Variants in CLSTN2 observed in about 807,000 individuals in gnomAD.
CLSTN2 encodes the protein calsyntenin-2.
CLSTN2 carries 48 observed loss-of-function variants against 101.2 expected under a neutral mutation model. The ratio of observed to expected loss-of-function variants is 0.47; its 90% CI spans 0.38 to 0.60. CLSTN2 has a LOEUF of 0.60. CLSTN2 is among the 20% of genes least tolerant of loss of function. The probability of loss-of-function intolerance (pLI) is 0.00; values close to 1 mark genes in which losing one functional copy is unlikely to be tolerated. For synonymous variants in CLSTN2, 481 were observed against 463.6 expected (o/e 1.04, Z -0.48); for missense variants, 1,160 against 1,238.2 (o/e 0.94, Z 0.95).
At chr3:140,328,520 G>A (rs1244789634) in intron 2 of CLSTN2, among the ~76,000 whole-genome samples, 1 of 152,180 alleles carries the variant, frequency 6.6e-6, no homozygotes, top group Non-Finnish European at 1.5e-5. Context: ...GAAGCCCTAG[G>A]GGAGCTCAAT....
intron 6 of CLSTN2, among the ~76,000 whole-genome samples, chr3:140,455,106 G>T (rs777948347): frequency 3.9e-5 from 6 of 152,234 alleles, no homozygotes; most frequent in Non-Finnish European, 8.8e-5. Context: ...TCATGGCAGT[G>T]CCTGTCATAA....
At chr3:140,386,796 C>T (rs2088056684) in intron 2 of CLSTN2, among the ~76,000 whole-genome samples, 2 of 152,176 alleles carry the variant, frequency 1.3e-5, no homozygotes. Flanking sequence ...GGCCTGTGCA[C>T]AGTGTCAGCA....
intron 1 of CLSTN2, among the ~76,000 whole-genome samples, chr3:140,064,047 C>T (rs2008257299): frequency 6.6e-6 from 1 of 152,156 alleles, no homozygotes; most frequent in Non-Finnish European, 1.5e-5. Context: ...TAACCATTGG[C>T]TACCTTATAC....
At chr3:140,491,681 A>T (rs1934355499) in intron 8 of CLSTN2, among the ~76,000 whole-genome samples, 1 of 152,176 alleles carries the variant, frequency 6.6e-6, no homozygotes, top group Middle Eastern at 3.4e-3. Context: ...AATTAGCCAG[A>T]CATGGTGCTA....
chr3:140,211,644 T>C (rs1305109769), intron 2 of CLSTN2, among the ~76,000 whole-genome samples: 1 of 151,594 alleles, frequency 6.6e-6, no homozygotes, highest in Non-Finnish European at 1.5e-5. Context: ...TAGGTAGTTG[T>C]AATGCTTTTA....
intron 1 of CLSTN2, among the ~76,000 whole-genome samples, chr3:140,071,862 A>G (rs1336452231): frequency 2.6e-5 from 4 of 152,020 alleles, no homozygotes; most frequent in East Asian, 1.9e-4. Context: ...TAAATAAATA[A>G]AAAAGAAAAA....
intron 2 of CLSTN2, among the ~76,000 whole-genome samples, chr3:140,376,809 G>T (rs1405835435): frequency 1.3e-5 from 2 of 152,200 alleles, no homozygotes; most frequent in South Asian, 2.1e-4. Flanking sequence ...AATAAGGAAA[G>T]GTCCACAGGC....
At chr3:140,092,594 C>T (rs759260618) in intron 1 of CLSTN2, among the ~76,000 whole-genome samples, 6 of 152,134 alleles carry the variant, frequency 3.9e-5, no homozygotes, top group Non-Finnish European at 5.9e-5. Flanking sequence ...CGGGGTGTGC[C>T]GGGCTGGTGC....
intron 2 of CLSTN2, among the ~76,000 whole-genome samples, chr3:140,228,369 C>A (rs1447368149): frequency 6.6e-6 from 1 of 152,208 alleles, no homozygotes; most frequent in Non-Finnish European, 1.5e-5. Context: ...CTCCTCATCT[C>A]CATCTGAGAC....
Position 140,562,253 on chromosome 3 carries a change from G to A in CLSTN2, c.2157G>A (p.Glu719=), listed in dbSNP as rs776564480. 4 of 1,614,026 alleles carry A rather than the reference G, an allele frequency of 2.5e-6. No homozygotes were observed. The highest frequency in any genetic ancestry group is 3.4e-6 in the Non-Finnish European group (4 of 1,179,958). ...RQECLELNHS[E]LHQRHLDATN... ...AGTGCTTGGAGCTCAACCACAGTGA[G>A]CTCCACCAACGACACCTGGATGCCA... The change falls in exon 13 of 17, where the codon GAG becomes GAA. Residue 719 remains glutamate, a synonymous_variant. Coordinates refer to ENST00000458420, the MANE Select transcript of CLSTN2 (RefSeq NM_022131.3).
intron 1 of CLSTN2, among the ~76,000 whole-genome samples, chr3:140,077,838 C>T (rs561740491): frequency 2.6e-5 from 4 of 151,802 alleles, no homozygotes; most frequent in East Asian, 3.9e-4. Context: ...TTGGAATGGC[C>T]GGTTTGCTCC....
intron 1 of CLSTN2, among the ~76,000 whole-genome samples, chr3:140,002,873 A>G (rs2006872605): frequency 6.6e-6 from 1 of 152,112 alleles, no homozygotes; most frequent in African/African-American, 2.4e-5. Context: ...AGTTCATTGT[A>G]GGTGTGTGGA....
chr3:140,343,902 G>A (rs922019842), intron 2 of CLSTN2, among the ~76,000 whole-genome samples: 3 of 152,162 alleles, frequency 2.0e-5, no homozygotes, highest in African/African-American at 7.2e-5. Context: ...TAATTCAACC[G>A]TCTTTACCGA....
chr3:140,444,847 AT>A (rs1178448187), intron 5 of CLSTN2, among the ~76,000 whole-genome samples: 3 of 152,168 alleles, frequency 2.0e-5, no homozygotes, highest in African/African-American at 7.2e-5. Context: ...AAACATCTAT[AT>A]TTTTAAGAAC....
intron 1 of CLSTN2, among the ~76,000 whole-genome samples, chr3:140,107,931 T>C (rs1467052361): frequency 1.3e-5 from 2 of 152,180 alleles, no homozygotes; most frequent in Non-Finnish European, 2.9e-5. Context: ...GAGAGACTTC[T>C]CTGAGGCAGC....
At chr3:140,407,787 A>G (rs988608362) in intron 4 of CLSTN2, among the ~76,000 whole-genome samples, 3 of 152,208 alleles carry the variant, frequency 2.0e-5, no homozygotes, top group Non-Finnish European at 4.4e-5. Flanking sequence ...ATTGAATCCT[A>G]AAACATAAAG....
At chr3:140,003,151 G>T (rs925670741) in intron 1 of CLSTN2, among the ~76,000 whole-genome samples, 47 of 152,160 alleles carry the variant, frequency 3.1e-4, no homozygotes, top group African/African-American at 1.1e-3. Context: ...CATTGCTTTG[G>T]GTAGTATAGC....
chr3:140,322,511 C>T (rs1031687969), intron 2 of CLSTN2, among the ~76,000 whole-genome samples: 1 of 152,186 alleles, frequency 6.6e-6, no homozygotes, highest in African/African-American at 2.4e-5. Context: ...GGAGGAACCT[C>T]AAATCATCCC....
chr3:140,102,804 T>A (rs1339738419), intron 1 of CLSTN2, among the ~76,000 whole-genome samples: 1 of 152,174 alleles, frequency 6.6e-6, no homozygotes, highest in Non-Finnish European at 1.5e-5. Flanking sequence ...TGACCAGTAG[T>A]TGAAAGAGCA....
Sources: gnomAD v4.1 joint callset for allele counts (sites outside exome capture counted in the v4.1 genomes callset) on GRCh38, gnomAD v4.1.1 for gene constraint, MANE v1.5 for transcripts, NCBI Gene and HGNC (gene_info 2026-07-23, HGNC 2026-07-21) for gene names.